Variants in KIF21B observed in about 807,000 individuals in gnomAD.
The protein encoded by KIF21B is kinesin family member 21B, also known as kinesin-like protein KIF21B.
KIF21B carries 85 observed loss-of-function variants against 192.9 expected under a neutral mutation model. That is an observed-to-expected ratio of 0.44 (90% CI 0.37 to 0.53). The LOEUF is 0.53. KIF21B is among the 20% of genes least tolerant of loss of function. The pLI is 0.00. For synonymous variants in KIF21B, 832 were observed against 884.6 expected (o/e 0.94, Z 1.05); for missense variants, 1,716 against 2,194.8 (o/e 0.78, Z 4.36).
rs148277892 is a variant in KIF21B at position 200,971,955 on chromosome 1, T to C, written c.*1566A>G. The C allele has an allele frequency of 0.025, 3,807 of 150,540 alleles. 67 individuals carry two copies. Among genetic ancestry groups the C allele is most frequent in the Non-Finnish European group, 0.038 (2,559 of 67,602 alleles). 9.3% of individuals were successfully genotyped at this position (150,540 alleles called of 1,614,324 possible). A position where few individuals can be genotyped will look rare whatever the true frequency, so the allele number is the denominator to read the frequency against. On this transcript the variant is annotated 3_prime_UTR_variant, in exon 35 of 35. Transcript: ENST00000461742. Reference sequence around the variant, plus strand: ...CACCTCTGGAAAGTCCAAAAGTCACTGCGTCCTCTGAAGGGAGGTGGGGCT... The same window carrying C: ...CACCTCTGGAAAGTCCAAAAGTCACCGCGTCCTCTGAAGGGAGGTGGGGCT...
rs979018276 is a variant in KIF21B at position 200,990,369 on chromosome 1, G to C, written c.2836-37C>G. On this transcript the variant is annotated intron_variant, in intron 19 of 34. Coordinates refer to ENST00000461742, the MANE Select transcript of KIF21B (RefSeq NM_001252102.2). The surrounding 1 kb of genome is among the most constrained non-coding windows in gnomAD (Gnocchi z 5.4). ...GGGGAGGGTGGTGATTGTGATGAAG[G>C]AGAGGCCTCAGGTAGCTGCCAAGCC... 1 of 1,565,120 alleles carries C rather than the reference G, an allele frequency of 6.4e-7. No individual in the cohort carries two copies. The highest frequency in any genetic ancestry group is 1.8e-5 in the Admixed American group (1 of 54,748).
intron 27 of KIF21B, among the ~76,000 whole-genome samples, chr1:200,984,633 C>T (rs1313022950): frequency 2.0e-5 from 3 of 152,222 alleles, no homozygotes; most frequent in Non-Finnish European, 2.9e-5. Flanking sequence ...CTCCTTCTTG[C>T]CCTCTCCTGA....
At chr1:200,979,944 G>A (rs890989206) in intron 29 of KIF21B, among the ~76,000 whole-genome samples, 3 of 152,198 alleles carry the variant, frequency 2.0e-5, no homozygotes, top group Admixed American at 6.5e-5. Flanking sequence ...CTTCAGACCA[G>A]GGTTCCTCAA....
At chr1:201,006,384 G>A (rs1434995225) in intron 3 of KIF21B, among the ~76,000 whole-genome samples, 1 of 152,214 alleles carries the variant, frequency 6.6e-6, no homozygotes, top group African/African-American at 2.4e-5. Context: ...GAAGAGCTGG[G>A]ATGTTCAACA....
At chr1:200,979,912 G>A (rs1165622554) in intron 29 of KIF21B, among the ~76,000 whole-genome samples, 197 bp from the exon 30 acceptor site, 2 of 152,138 alleles carry the variant, frequency 1.3e-5, no homozygotes, top group African/African-American at 2.4e-5. Flanking sequence ...AAAAACTCAG[G>A]GAAGAGAGAA....
At chr1:201,018,399 C>T (rs140167875) in intron 1 of KIF21B, among the ~76,000 whole-genome samples, 3 of 152,308 alleles carry the variant, frequency 2.0e-5, no homozygotes, top group African/African-American at 7.2e-5. Context: ...TGCCAGGCAG[C>T]CCCATGCTGC....
intron 30 of KIF21B, among the ~76,000 whole-genome samples, chr1:200,978,456 C>T (rs1020557215): frequency 8.6e-5 from 13 of 151,988 alleles, no homozygotes; most frequent in African/African-American, 3.1e-4. Flanking sequence ...CCTGCTCCCA[C>T]ACAGGCACAG....
Position 201,007,515 on chromosome 1 carries a change from C to CACACAGAG in KIF21B, c.447+1246_447+1253dup, listed in dbSNP as rs1657959287. ...ACACAGAGACAGACACAGACATACACACACAGAGACACACAGACACACACA... is the reference window on the plus strand; with the variant it reads ...ACACAGAGACAGACACAGACATACACACACAGAGACACAGAGACACACAGACACACACA... On this transcript the variant is annotated intron_variant, in intron 3 of 34. Transcript: ENST00000461742. 6.7e-5 allele frequency among the ~76,000 whole-genome samples: 10 copies of CACACAGAG among 149,992 alleles called. No individual in the cohort carries two copies. In the South Asian group the frequency reaches 2.1e-3, roughly 32 times the overall value.
intron 21 of KIF21B, among the ~76,000 whole-genome samples, chr1:200,989,636 G>A (rs1419596320): frequency 2.0e-5 from 3 of 152,218 alleles, no homozygotes; most frequent in African/African-American, 2.4e-5. Context: ...GCCTAGCACT[G>A]CTTTGGATAG....
intron 15 of KIF21B, 67 bp downstream of exon 15, chr1:200,996,129 G>T: frequency 7.1e-7 from 1 of 1,414,446 alleles, no homozygotes; most frequent in Non-Finnish European, 1.0e-6. Flanking sequence ...TTTTTACGAT[G>T]GTGAGTGGAT....
At chr1:201,013,493 G>C (rs1348819641) in intron 1 of KIF21B, among the ~76,000 whole-genome samples, 1 of 152,166 alleles carries the variant, frequency 6.6e-6, no homozygotes, top group Non-Finnish European at 1.5e-5. Flanking sequence ...GGGGGCATGG[G>C]AGGGGGGTCA....
intron 1 of KIF21B, among the ~76,000 whole-genome samples, chr1:201,012,631 CTATGTA>C (rs538361280): frequency 2.2e-4 from 33 of 150,474 alleles, no homozygotes; most frequent in Admixed American, 7.3e-4. Context: ...TCAGAAAACT[CTATGTA>C]TGTATGTATG....
At position 201,005,601 on chromosome 1, in the gene KIF21B, T is replaced by C. The variant is rs139624974; in HGVS notation, c.541A>G (p.Asn181Asp). The change falls in exon 4 of 35, where the codon AAC becomes GAC. Residue 181 changes from asparagine (N) to aspartate (D), a missense_variant. Asn to Asp is a conservative substitution (Grantham distance 23, BLOSUM62 1). Coordinates refer to ENST00000461742, the MANE Select transcript of KIF21B (RefSeq NM_001252102.2). ...RSNIKIHEDA[N>D]GGIYTTGVTS... is the part of the protein sequence containing the mutation. ...ACGCCAGTGGTGTAGATGCCACCGTTTGCGTCCTCGTGGATCTTGATGTTG... is the reference window on the plus strand; with the variant it reads ...ACGCCAGTGGTGTAGATGCCACCGTCTGCGTCCTCGTGGATCTTGATGTTG... 513 of 1,614,122 alleles carry C rather than the reference T, an allele frequency of 3.2e-4. 3 individuals are homozygous for C. Among genetic ancestry groups the C allele is most frequent in the Non-Finnish European group, 1.0e-4 (120 of 1,180,016 alleles).
At position 201,008,805 on chromosome 1, in the gene KIF21B, A is replaced by G; in HGVS notation, c.411T>C (p.Ala137=). The part of the protein sequence containing the change: ...RKRRAQEQGV[A]GPEFKVSAQF... Reference sequence around the variant, plus strand: ...GGGCGCTGACTTTGAACTCAGGTCCAGCCACGCCCTGCTCCTGTGCCCGGC... The same window carrying G: ...GGGCGCTGACTTTGAACTCAGGTCCGGCCACGCCCTGCTCCTGTGCCCGGC... The change falls in exon 3 of 35, where the codon GCT becomes GCC. Residue 137 remains alanine, a synonymous_variant. Transcript: ENST00000461742. 6.2e-7 allele frequency: 1 copy of G among 1,604,624 alleles called. No individual in the cohort carries two copies. The highest frequency in any genetic ancestry group is 8.5e-7 in the Non-Finnish European group (1 of 1,179,798).
chr1:201,005,495 G>T (rs752920009), intron 4 of KIF21B, 50 bp downstream of exon 4: 1 of 1,597,412 alleles, frequency 6.3e-7, no homozygotes, highest in Non-Finnish European at 8.6e-7. Flanking sequence ...GCCAGCCCCT[G>T]CCCTTTCAGG....
Position 200,988,559 on chromosome 1 carries a change from GAGGGA to G in KIF21B, c.3299-20_3299-16del. 7.2e-7 allele frequency: 1 copy of G among 1,398,082 alleles called. No homozygotes were observed. Among genetic ancestry groups the G allele is most frequent in the Admixed American group, 1.9e-5 (1 of 53,686 alleles). The allele number at this position is 1,398,082 out of a possible 1,614,324, so 86.6% of individuals were successfully genotyped here. ...GTAGCCATTCTCTGTGGGAGGGCGGGAGGGAGGGAAAGGGGTTGAGAAGCCCTGTC... is the reference window on the plus strand; with the variant it reads ...GTAGCCATTCTCTGTGGGAGGGCGGGGGGAAAGGGGTTGAGAAGCCCTGTC... On this transcript the variant is annotated splice_polypyrimidine_tract_variant and intron_variant, in intron 22 of 34. Coordinates refer to ENST00000461742, the MANE Select transcript of KIF21B (RefSeq NM_001252102.2).
At chr1:200,977,954 G>T (rs1043122462) in intron 30 of KIF21B, among the ~76,000 whole-genome samples, 1 of 151,942 alleles carries the variant, frequency 6.6e-6, no homozygotes. Context: ...GGCTGGTCTC[G>T]AACTCCCGAC....
intron 21 of KIF21B, 128 bp from the exon 22 acceptor site, chr1:200,989,059 TG>T: frequency 1.0e-6 from 1 of 977,464 alleles, no homozygotes; most frequent in Non-Finnish European, 1.5e-6. Flanking sequence ...CCCTTGTACC[TG>T]GCACAGACCT....
Position 200,982,471 on chromosome 1 carries a change from G to A in KIF21B, c.3842+585C>T, listed in dbSNP as rs1291818452. 6.6e-6 allele frequency among the ~76,000 whole-genome samples: 1 copy of A among 152,184 alleles called. No homozygotes were observed. Among genetic ancestry groups the A allele is most frequent in the Non-Finnish European group, 1.5e-5 (1 of 68,026 alleles). On this transcript the variant is annotated intron_variant, in intron 28 of 34. Transcript: ENST00000461742. This position sits in a 1 kb window ranked among gnomAD's most constrained non-coding sequence, Gnocchi z 4.7. Reference sequence around the variant, plus strand: ...GTGCGGTGTCATGCTCGGCTGGCTGGGAGAACCAGCCTCCAGCCATCCCAC... The same window carrying A: ...GTGCGGTGTCATGCTCGGCTGGCTGAGAGAACCAGCCTCCAGCCATCCCAC...
Sources: allele counts gnomAD v4.1 joint callset (sites outside exome capture counted in the v4.1 genomes callset), GRCh38; gene constraint gnomAD v4.1.1; non-coding constraint Gnocchi (gnomAD v3.1); transcripts MANE v1.5; gene names NCBI Gene and HGNC (gene_info 2026-07-23, HGNC 2026-07-21).